SMG1: variants seen among roughly 807,000 people sequenced by gnomAD.
SMG1 encodes serine/threonine-protein kinase SMG1.
Under a neutral mutation model 419.9 loss-of-function variants are expected in SMG1, and 22 were observed. The observed-to-expected ratio is 0.05, with a 90% confidence interval of 0.04 to 0.07. The LOEUF (loss-of-function observed/expected upper bound fraction) is 0.07, where lower values mean the gene tolerates loss of function less well. Among genes scored for constraint, SMG1 ranks in the 10% least tolerant of loss-of-function variants. The pLI is 1.00. For synonymous variants in SMG1, 1,538 were observed against 1,553.5 expected (o/e 0.99, Z 0.23); for missense variants, 3,185 against 4,342.0 (o/e 0.73, Z 7.49).
In SMG1 at chr16:18,845,670, TTATTCAAAAACTTAAATG is replaced by T; in HGVS notation, c.5997-37_5997-20del. 6.3e-7 allele frequency: 1 copy of T among 1,589,638 alleles called. No individual in the cohort carries two copies. Among genetic ancestry groups the T allele is most frequent in the Non-Finnish European group, 8.6e-7 (1 of 1,167,568 alleles). Reference sequence around the variant, plus strand: ...CTCTTCTCTGACCAAGAAGACATTTTTATTCAAAAACTTAAATGTGTACATTAAAGTTTTACACAAACA... The same window carrying T: ...CTCTTCTCTGACCAAGAAGACATTTTTGTACATTAAAGTTTTACACAAACA... On this transcript the variant is annotated intron_variant, in intron 38 of 62. Transcript: ENST00000446231.
intron 9 of SMG1, among the ~76,000 whole-genome samples, chr16:18,882,630 T>G (rs571275542): frequency 1.1e-4 from 16 of 152,306 alleles, no homozygotes; most frequent in African/African-American, 3.1e-4. Flanking sequence ...GCTCTAGTTA[T>G]ATGTAGGTAT....
At chr16:18,831,769 A>AT (rs1375416812) in intron 51 of SMG1, among the ~76,000 whole-genome samples, 94 of 86,488 alleles carry the variant, frequency 1.1e-3, no homozygotes, top group Non-Finnish European at 1.7e-3. Context: ...AAAAAAAAAA[A>AT]AATACATATA....
At chr16:18,907,001 T>C (rs961528695) in intron 1 of SMG1, among the ~76,000 whole-genome samples, 4 of 152,218 alleles carry the variant, frequency 2.6e-5, no homozygotes, top group Admixed American at 1.3e-4. Context: ...TTAAAAATTC[T>C]TGGCTGGCAT....
chr16:18,883,795 T>G (rs979373279), intron 9 of SMG1, among the ~76,000 whole-genome samples: 5 of 151,858 alleles, frequency 3.3e-5, no homozygotes, highest in African/African-American at 7.3e-5. Flanking sequence ...GGCGGGCACC[T>G]GTAATTCCAG....
chr16:18,920,548 T>A (rs887944997), intron 1 of SMG1, among the ~76,000 whole-genome samples: 1 of 148,080 alleles, frequency 6.8e-6, no homozygotes, highest in African/African-American at 2.5e-5. Context: ...AATAAAAAAT[T>A]AGCGTGCCAA....
In SMG1 at chr16:18,869,252, C is replaced by T. The variant is rs2035683520; in HGVS notation, c.2685G>A (p.Lys895=). 3 of 1,611,688 alleles carry T rather than the reference C, an allele frequency of 1.9e-6. No homozygotes were observed. The highest frequency in any genetic ancestry group is 4.5e-5 in the East Asian group (2 of 44,862). Residue 895 remains lysine (K), a synonymous_variant, in exon 20 of 63, where the codon AAG becomes AAA. Coordinates refer to ENST00000446231, the MANE Select transcript of SMG1 (RefSeq NM_015092.5). The stretch of plus-strand genomic sequence containing the variant: ...TGCGTGGAATTGTTGACTGGTCACG[C>T]TTATCCAGTCTCTGGCAGCTATAGA... ...RLFYSCQRLD[K]RDQSTIPRNL...
At chr16:18,875,220 A>G (rs2036056823) in intron 13 of SMG1, 1 of 152,604 alleles carries the variant, frequency 6.6e-6, no homozygotes. Context: ...CTGGTGCTCA[A>G]AAAGTTTCAA....
intron 3 of SMG1, among the ~76,000 whole-genome samples, chr16:18,894,770 T>G (rs1300534363): frequency 6.6e-6 from 1 of 151,922 alleles, no homozygotes; most frequent in Non-Finnish European, 1.5e-5. Context: ...GATAAATTTC[T>G]CTTTAAGGAA....
intron 55 of SMG1, among the ~76,000 whole-genome samples, chr16:18,820,772 G>C (rs1472357608): frequency 6.6e-6 from 1 of 152,010 alleles, no homozygotes; most frequent in Non-Finnish European, 1.5e-5. Flanking sequence ...CTCCAAAAAA[G>C]CTTCATTAAA....
At chr16:18,845,309 G>T (rs959060265) in intron 39 of SMG1, 120 bp downstream of exon 39, 2 of 781,548 alleles carry the variant, frequency 2.6e-6, no homozygotes, top group Non-Finnish European at 3.9e-6. Flanking sequence ...GCCACAGGCT[G>T]CCTCCTATAG....
intron 3 of SMG1, among the ~76,000 whole-genome samples, chr16:18,894,366 A>G (rs1037160022): frequency 6.6e-6 from 1 of 152,170 alleles, no homozygotes; most frequent in Non-Finnish European, 1.5e-5. Flanking sequence ...AAGGACAGAT[A>G]CCAAAAATGT....
At chr16:18,885,860 C>T (rs563489416) in intron 6 of SMG1, among the ~76,000 whole-genome samples, 194 bp from the exon 7 acceptor site, 7 of 151,886 alleles carry the variant, frequency 4.6e-5, no homozygotes, top group East Asian at 1.9e-4. Flanking sequence ...ACACAAGAAT[C>T]GCTTGAACCC....
At chr16:18,874,465 A>T (rs2035993545) in intron 13 of SMG1, among the ~76,000 whole-genome samples, 1 of 151,694 alleles carries the variant, frequency 6.6e-6, no homozygotes, top group African/African-American at 2.4e-5. Flanking sequence ...TATTAAAAAG[A>T]ATGTTTTTCA....
intron 33 of SMG1, 80 bp downstream of exon 33, chr16:18,851,987 T>C: frequency 7.0e-7 from 1 of 1,422,176 alleles, no homozygotes; most frequent in South Asian, 1.5e-5. Context: ...TTCAGTATTT[T>C]ATCAAATATA....
rs770967682 is a variant in SMG1, at chr16:18,852,324, T to C, written c.4907A>G (p.Asn1636Ser). ...AYRWGRKVVD[N>S]ASQGEGVRLL... ...ACTACACATTTAAACATACCTGGCATTGTCAACCACCTTTCTGCCCCACCT... is the reference window on the plus strand; with the variant it reads ...ACTACACATTTAAACATACCTGGCACTGTCAACCACCTTTCTGCCCCACCT... Residue 1636 changes from asparagine to serine, a missense_variant, in exon 32 of 63, where the codon AAT (asparagine) becomes AGT (serine). Around this residue, in one of 27 missense-constraint regions of SMG1, gnomAD observed 493 missense variants for 552.9 expected, o/e 0.89. Coordinates refer to ENST00000446231, the MANE Select transcript of SMG1 (RefSeq NM_015092.5). 4.3e-6 allele frequency: 7 copies of C among 1,610,086 alleles called. No homozygotes were observed. The highest frequency in any genetic ancestry group is 2.2e-5 in the East Asian group (1 of 44,862).
chr16:18,819,488 GTAAGTCACAA>G lies in SMG1; in HGVS notation c.9894+4_9894+13del. On this transcript the variant is annotated splice_donor_5th_base_variant and intron_variant, in intron 56 of 62. Coordinates refer to ENST00000446231, the MANE Select transcript of SMG1 (RefSeq NM_015092.5). ...AAAAGTGAATACAAAGATGGTGCAT[GTAAGTCACAA>G]TACCTGACTTGCTCTTTGGCTCTCT... 6.2e-7 allele frequency: 1 copy of G among 1,608,082 alleles called. No homozygotes were observed. The highest frequency in any genetic ancestry group is 8.5e-7 in the Non-Finnish European group (1 of 1,176,888).
Position 18,854,771 on chromosome 16 carries a change from G to T in SMG1, c.4368C>A (p.Thr1456=), listed in dbSNP as rs191482492. 2 of 1,613,962 alleles carry T rather than the reference G, an allele frequency of 1.2e-6. No individual in the cohort carries two copies. Among genetic ancestry groups the T allele is most frequent in the African/African-American group, 2.7e-5 (2 of 75,014 alleles). The change falls in exon 30 of 63, where the codon ACC becomes ACA. Residue 1456 remains threonine, a synonymous_variant. Coordinates refer to ENST00000446231, the MANE Select transcript of SMG1 (RefSeq NM_015092.5). ...GTTGGACTAAATCCTGTGCAGTGGT[G>T]GTCTTTCCCAGCTGAACTTCACTGC... is the stretch of plus-strand genomic sequence containing the variant. ...AQCSEVQLGK[T]TTAQDLVQHF...
intron 1 of SMG1, among the ~76,000 whole-genome samples, chr16:18,916,464 C>T (rs1200409069): frequency 7.1e-6 from 1 of 140,780 alleles, no homozygotes; most frequent in Non-Finnish European, 1.5e-5. Context: ...TGCAGTGAGC[C>T]GAGATCCTGC....
intron 9 of SMG1, among the ~76,000 whole-genome samples, chr16:18,883,511 AG>A (rs140395687): frequency 1.1e-4 from 16 of 152,370 alleles, no homozygotes; most frequent in African/African-American, 3.1e-4. Context: ...AAATGTCTTT[AG>A]AAAAATACCA....
Sources: allele counts gnomAD v4.1 joint callset (sites outside exome capture counted in the v4.1 genomes callset), GRCh38; gene constraint gnomAD v4.1.1; regional missense constraint gnomAD v4.1.1; transcripts MANE v1.5; gene names NCBI Gene and HGNC (gene_info 2026-07-23, HGNC 2026-07-21).